The following FLNB variants were observed in gnomAD, a reference collection of about 807,000 sequenced individuals.
FLNB encodes filamin-B.
Under a neutral mutation model 250.6 loss-of-function variants are expected in FLNB, and 111 were observed. That is an observed-to-expected ratio of 0.44 (90% CI 0.38 to 0.52). The LOEUF is 0.52. FLNB is among the 20% of genes least tolerant of loss of function. FLNB has a pLI of 0.00. For missense variants in FLNB, 2,869 were observed against 3,447.8 expected (o/e 0.83, Z 4.20); for synonymous variants, 1,302 against 1,372.1 (o/e 0.95, Z 1.13).
At position 58,129,077 on chromosome 3, in the gene FLNB, A is replaced by C. The variant is rs533500501; in HGVS notation, c.4223-1664A>C. Among the ~76,000 whole-genome samples, 7 of 152,330 alleles carry C rather than the reference A, an allele frequency of 4.6e-5. 1 individual carries two copies. The East Asian group carries it at 9.7e-4, about 21-fold the overall frequency. On this transcript the variant is annotated intron_variant, in intron 24 of 45. Transcript: ENST00000295956. ...ACCTGCCACCTTCTAATTTGCTTTC[A>C]TGGTAATTCTGGGTGCTTAAATATT...
intron 20 of FLNB, among the ~76,000 whole-genome samples, 184 bp from the exon 21 acceptor site, chr3:58,122,909 T>C (rs1185934309): frequency 6.6e-6 from 1 of 152,200 alleles, no homozygotes; most frequent in Non-Finnish European, 1.5e-5. Context: ...GATTGAGTTC[T>C]GAGGCATTTG....
At chr3:58,148,081 T>G in intron 34 of FLNB, 125 bp from the exon 35 acceptor site, 1 of 968,410 alleles carries the variant, frequency 1.0e-6, no homozygotes, top group South Asian at 1.4e-5. Flanking sequence ...GGCTCATTTT[T>G]TTTTCACTTA....
At chr3:58,045,154 G>T (rs1332421853) in intron 1 of FLNB, among the ~76,000 whole-genome samples, 1 of 152,186 alleles carries the variant, frequency 6.6e-6, no homozygotes, top group Non-Finnish European at 1.5e-5. Context: ...GTCATGGGTT[G>T]GCTCTGCCTC....
intron 26 of FLNB, among the ~76,000 whole-genome samples, chr3:58,133,886 A>G (rs1383018983): frequency 1.3e-5 from 2 of 152,214 alleles, no homozygotes; most frequent in African/African-American, 2.4e-5. Context: ...GAAGCATACT[A>G]TAGAATAATT....
At chr3:58,086,850 C>T (rs1344107869) in intron 4 of FLNB, among the ~76,000 whole-genome samples, 2 of 152,172 alleles carry the variant, frequency 1.3e-5, no homozygotes, top group East Asian at 3.9e-4. Context: ...CATGGTGGCT[C>T]ACGCCTGTAA....
rs1457608356 is a variant in FLNB, at chr3:58,122,436, T to C, written c.3127-657T>C. 2.0e-5 allele frequency among the ~76,000 whole-genome samples: 3 copies of C among 150,066 alleles called. No individual in the cohort carries two copies. The Admixed American group carries it at 2.0e-4, about 10-fold the overall frequency. ...TGAACCTGGGAGGCAGAGGTTGCAG[T>C]GAGCTGAGATTGTGCCACTGCACTC... On this transcript the variant is annotated intron_variant, in intron 20 of 45. Transcript: ENST00000295956.
At chr3:58,161,654 TC>T (rs1425925670) in intron 42 of FLNB, among the ~76,000 whole-genome samples, 1 of 152,204 alleles carries the variant, frequency 6.6e-6, no homozygotes, top group Non-Finnish European at 1.5e-5. Context: ...ACTAGAAAGT[TC>T]AAGACATCCA....
chr3:58,102,176 G>T, intron 8 of FLNB, 27 bp from the exon 9 acceptor site: 1 of 1,613,994 alleles, frequency 6.2e-7, no homozygotes, highest in South Asian at 1.1e-5. Context: ...ATGAAAGATT[G>T]AATTGATGTC....
At chr3:58,023,912 A>G (rs1218375806) in intron 1 of FLNB, among the ~76,000 whole-genome samples, 5 of 152,220 alleles carry the variant, frequency 3.3e-5, no homozygotes, top group Non-Finnish European at 5.9e-5. Flanking sequence ...GCAGCCCAGC[A>G]TAGAAACTCA....
chr3:58,137,721 C>A (rs1045131376), intron 28 of FLNB, among the ~76,000 whole-genome samples: 1 of 152,210 alleles, frequency 6.6e-6, no homozygotes, highest in Non-Finnish European at 1.5e-5. Context: ...ACCCATCCTT[C>A]AGGGTTCAGC....
intron 20 of FLNB, among the ~76,000 whole-genome samples, chr3:58,122,531 A>G (rs1364412397): frequency 6.6e-6 from 1 of 151,784 alleles, no homozygotes; most frequent in East Asian, 1.9e-4. Flanking sequence ...TCATTTCTTC[A>G]TAGTAACCCT....
chr3:58,078,606 A>G (rs1449910858), intron 2 of FLNB, 111 bp from the exon 3 acceptor site: 16 of 1,517,970 alleles, frequency 1.1e-5, no homozygotes, highest in African/African-American at 1.4e-5. Context: ...GATTTTAGGA[A>G]AAAATCATTC....
intron 1 of FLNB, among the ~76,000 whole-genome samples, chr3:58,030,259 T>C (rs778708812): frequency 3.9e-5 from 6 of 152,190 alleles, no homozygotes; most frequent in Admixed American, 1.3e-4. Context: ...GTTAGAATCC[T>C]TTCAGCTGCA....
At chr3:58,076,354 A>T (rs1265135358) in intron 1 of FLNB, among the ~76,000 whole-genome samples, 1 of 152,206 alleles carries the variant, frequency 6.6e-6, no homozygotes, top group Admixed American at 6.5e-5. Flanking sequence ...ACACGTGCAC[A>T]CACGCATACA....
In FLNB at chr3:58,171,872, CAGTG is replaced by C. The variant is rs975960780; in HGVS notation, c.*1113_*1116del. ...GTGGTCTTTTCACCATTGGCAGAAA[CAGTG>C]AGAGCTGTGTGGTGCAGAAATCCAG... On this transcript the variant is annotated 3_prime_UTR_variant, in exon 46 of 46. Transcript: ENST00000295956. This position sits in a 1 kb window ranked among gnomAD's most constrained non-coding sequence, Gnocchi z 5.5. The C allele has an allele frequency of 6.6e-6, 1 of 152,256 alleles. No homozygotes were observed. Among genetic ancestry groups the C allele is most frequent in the African/African-American group, 2.4e-5 (1 of 41,462 alleles). The allele number at this position is 152,256 out of a possible 1,614,324, so 9.4% of individuals were successfully genotyped here.
At chr3:58,105,318 C>A in intron 11 of FLNB, 102 bp downstream of exon 11, 1 of 1,477,812 alleles carries the variant, frequency 6.8e-7, no homozygotes, top group South Asian at 1.2e-5. Context: ...GCCTCAATAC[C>A]TTTAGCTTCC....
At chr3:58,093,855 A>G (rs984135031) in intron 4 of FLNB, among the ~76,000 whole-genome samples, 1 of 152,212 alleles carries the variant, frequency 6.6e-6, no homozygotes, top group African/African-American at 2.4e-5. Flanking sequence ...ATATGTAGTG[A>G]AAAAGGCCAC....
intron 18 of FLNB, among the ~76,000 whole-genome samples, chr3:58,113,238 G>A (rs60024829): frequency 0.014 from 2,111 of 152,278 alleles, 50 homozygotes; most frequent in African/African-American, 0.048. Flanking sequence ...CTGGGGTCTG[G>A]AGAGCAGACA....
intron 4 of FLNB, among the ~76,000 whole-genome samples, chr3:58,091,266 T>C (rs994357450): frequency 2.0e-5 from 3 of 152,164 alleles, no homozygotes; most frequent in African/African-American, 7.2e-5. Flanking sequence ...AAGTACAACA[T>C]GGAGGAATCA....
Sources: gnomAD v4.1 joint callset for allele counts (sites outside exome capture counted in the v4.1 genomes callset) on GRCh38, gnomAD v4.1.1 for gene constraint, Gnocchi (gnomAD v3.1) non-coding constraint, MANE v1.5 for transcripts, NCBI Gene and HGNC (gene_info 2026-07-23, HGNC 2026-07-21) for gene names.